INPP5D: variants seen among roughly 807,000 people sequenced by gnomAD.
The protein encoded by INPP5D is phosphatidylinositol 3,4,5-trisphosphate 5-phosphatase 1.
INPP5D carries 33 observed loss-of-function variants against 122.9 expected under a neutral mutation model. That is an observed-to-expected ratio of 0.27 (90% confidence interval 0.20 to 0.36). The LOEUF is 0.36. Among genes scored for constraint, INPP5D ranks in the 10% least tolerant of loss-of-function variants. The probability of loss-of-function intolerance (pLI) is 1.00; values close to 1 mark genes in which losing one functional copy is unlikely to be tolerated. For synonymous variants in INPP5D, 584 were observed against 576.2 expected (o/e 1.01, Z -0.19); for missense variants, 1,053 against 1,412.7 (o/e 0.75, Z 4.08).
At chr2:233,161,369 G>T (rs1420606714) in intron 10 of INPP5D, among the ~76,000 whole-genome samples, 1 of 152,186 alleles carries the variant, frequency 6.6e-6, no homozygotes, top group Non-Finnish European at 1.5e-5. Context: ...TGGGATTACA[G>T]GCATGAGCCA....
chr2:233,060,526 G>A lies in INPP5D; in HGVS notation c.48G>A (p.Glu16=). 1 of 1,613,824 alleles carries A rather than the reference G, an allele frequency of 6.2e-7. No individual in the cohort carries two copies. The highest frequency in any genetic ancestry group is 1.1e-5 in the South Asian group (1 of 91,074). ...NHGNITRSKA[E]ELLSRTGKDG... Reference sequence around the variant, plus strand: ...GCAACATCACCCGCTCCAAGGCGGAGGAGCTGCTTTCCAGGACAGGCAAGG... The same window carrying A: ...GCAACATCACCCGCTCCAAGGCGGAAGAGCTGCTTTCCAGGACAGGCAAGG... Residue 16 remains glutamate, a synonymous_variant, in exon 1 of 27, where the codon GAG becomes GAA. Coordinates refer to ENST00000445964, the MANE Select transcript of INPP5D (RefSeq NM_001017915.3).
Position 233,094,512 on chromosome 2 carries a change from C to CAAAAAAAAAAAAAAAAAAAAA in INPP5D, c.198+15124_198+15144dup, listed in dbSNP as rs58284775. 3.1e-4 allele frequency among the ~76,000 whole-genome samples: 11 copies of CAAAAAAAAAAAAAAAAAAAAA among 34,970 alleles called. 5 individuals are homozygous for CAAAAAAAAAAAAAAAAAAAAA. The highest frequency in any genetic ancestry group is 6.1e-4 in the African/African-American group (5 of 8,252). The allele number at this position is 34,970 out of a possible 152,430, so 22.9% of individuals were successfully genotyped here. A position where few individuals can be genotyped will look rare whatever the true frequency, so the allele number is the denominator to read the frequency against. On this transcript the variant is annotated intron_variant, in intron 2 of 26. Coordinates refer to ENST00000445964, the MANE Select transcript of INPP5D (RefSeq NM_001017915.3). ...TGGGCAATAGAGCAAGACTCCATCC[C>CAAAAAAAAAAAAAAAAAAAAA]AAAAAAAAAAAAAAAAAAAAAAAAA...
intron 1 of INPP5D, among the ~76,000 whole-genome samples, chr2:233,068,587 T>G (rs987821762): frequency 1.3e-5 from 2 of 150,500 alleles, no homozygotes; most frequent in African/African-American, 5.0e-5. Context: ...AGAGCTAGAA[T>G]CCGTCTAAAA....
chr2:233,163,031 C>T (rs1021465666), intron 11 of INPP5D, among the ~76,000 whole-genome samples: 4 of 152,174 alleles, frequency 2.6e-5, no homozygotes, highest in African/African-American at 7.2e-5. Flanking sequence ...CCACTTTGAG[C>T]CTCTTGGGGG....
At chr2:233,180,256 G>A (rs1251176498) in intron 18 of INPP5D, among the ~76,000 whole-genome samples, 1 of 152,044 alleles carries the variant, frequency 6.6e-6, no homozygotes, top group Non-Finnish European at 1.5e-5. Context: ...GGAGGACTGG[G>A]TCTTTGAGGG....
intron 2 of INPP5D, among the ~76,000 whole-genome samples, chr2:233,098,669 G>A (rs1226037069): frequency 6.6e-6 from 1 of 152,024 alleles, no homozygotes; most frequent in Non-Finnish European, 1.5e-5. Flanking sequence ...CATTCCGCAC[G>A]CCCCTCTTAA....
At chr2:233,175,560 T>G (rs893286963) in intron 17 of INPP5D, among the ~76,000 whole-genome samples, 7 of 152,200 alleles carry the variant, frequency 4.6e-5, no homozygotes, top group Non-Finnish European at 2.9e-5. Flanking sequence ...GTAAGTGGGT[T>G]TATACAAACC....
In INPP5D at chr2:233,108,912, G is replaced by A. The variant is rs201535931; in HGVS notation, c.199-13195G>A. Among the ~76,000 whole-genome samples the A allele has an allele frequency of 1.1e-4, 16 of 152,314 alleles. No homozygotes were observed. In the East Asian group the frequency reaches 2.7e-3, roughly 26 times the overall value. On this transcript the variant is annotated intron_variant, in intron 2 of 26. Coordinates refer to ENST00000445964, the MANE Select transcript of INPP5D (RefSeq NM_001017915.3). ...ATCCACAGTCTTGCAGCTTCTGCAT[G>A]GCAGAGAGGGGACAACCCCCTGCCC...
At chr2:233,182,660 A>G (rs1694813711) in intron 19 of INPP5D, among the ~76,000 whole-genome samples, 161 bp downstream of exon 19, 1 of 152,134 alleles carries the variant, frequency 6.6e-6, no homozygotes, top group Non-Finnish European at 1.5e-5. Flanking sequence ...GCCACAGCAC[A>G]ATTGCAGTCC....
intron 1 of INPP5D, among the ~76,000 whole-genome samples, chr2:233,073,376 A>C (rs1007688886): frequency 1.3e-5 from 2 of 152,156 alleles, no homozygotes; most frequent in Non-Finnish European, 2.9e-5. Flanking sequence ...ACAGTGGCTC[A>C]CGCCTGTAAT....
intron 8 of INPP5D, 25 bp from the exon 9 acceptor site, chr2:233,147,446 A>G: frequency 1.4e-6 from 1 of 703,152 alleles, no homozygotes; most frequent in Non-Finnish European, 2.6e-6. Context: ...AAAATCAATC[A>G]GTGACACATC....
chr2:233,158,487 C>A, intron 10 of INPP5D, 68 bp downstream of exon 10: 1 of 655,474 alleles, frequency 1.5e-6, no homozygotes, highest in Non-Finnish European at 2.8e-6. Context: ...TTGAGGCTCG[C>A]TGTGTGCCAG....
At chr2:233,205,029 GGAA>G (rs1695456664) in intron 26 of INPP5D, 2 of 347,824 alleles carry the variant, frequency 5.8e-6, no homozygotes, top group African/African-American at 4.2e-5. Flanking sequence ...CAGTCCCAGA[GGAA>G]GAAGATTCCA....
chr2:233,109,099 C>A (rs1248450478), intron 2 of INPP5D, among the ~76,000 whole-genome samples: 1 of 152,250 alleles, frequency 6.6e-6, no homozygotes, highest in Non-Finnish European at 1.5e-5. Flanking sequence ...AGCCAGAGTA[C>A]CTCCCTCTCC....
At position 233,122,111 on chromosome 2, in the gene INPP5D, C is replaced by A; in HGVS notation, c.203C>A (p.Ser68Tyr). The A allele has an allele frequency of 6.2e-7, 1 of 1,613,872 alleles. No homozygotes were observed. Among genetic ancestry groups the A allele is most frequent in the Non-Finnish European group, 8.5e-7 (1 of 1,179,828 alleles). Residue 68 changes from serine to tyrosine, a missense_variant, in exon 3 of 27, where the codon TCC becomes TAC. Coordinates refer to ENST00000445964, the MANE Select transcript of INPP5D (RefSeq NM_001017915.3). Reference protein sequence around the residue: ...NEDDKFTVQASEGVSMRFFTK... With the variant: ...NEDDKFTVQAYEGVSMRFFTK... Reference sequence around the variant, plus strand: ...GTTTGGATGTTCTGTCCTCAGGCATCCGAAGGCGTCTCCATGAGGTTCTTC... The same window carrying A: ...GTTTGGATGTTCTGTCCTCAGGCATACGAAGGCGTCTCCATGAGGTTCTTC...
intron 2 of INPP5D, among the ~76,000 whole-genome samples, chr2:233,113,153 T>C (rs1692677930): frequency 2.0e-5 from 3 of 152,132 alleles, no homozygotes; most frequent in African/African-American, 7.2e-5. Flanking sequence ...TACATGCTTA[T>C]TCCCCTGTGT....
At chr2:233,069,206 A>G (rs912650514) in intron 1 of INPP5D, among the ~76,000 whole-genome samples, 1 of 152,246 alleles carries the variant, frequency 6.6e-6, no homozygotes, top group African/African-American at 2.4e-5. Flanking sequence ...TTCAATACTT[A>G]CTGTAAACAA....
intron 26 of INPP5D, 73 bp downstream of exon 26, chr2:233,204,790 A>ATGCATATGTGTG (rs917174394): frequency 9.2e-7 from 1 of 1,085,852 alleles, no homozygotes; most frequent in Non-Finnish European, 1.2e-6. Flanking sequence ...GTGTGTACCT[A>ATGCATATGTGTG]TGCATATGTG....
Position 233,078,664 on chromosome 2 carries a change from CT to C in INPP5D, c.135-665del, listed in dbSNP as rs1369315485. ...CGTGTTTCTTCTTCAAACACCCCCT[CT>C]TTTTTGTTGTTTTTTTGTTTTGTTT... On this transcript the variant is annotated intron_variant, in intron 1 of 26. Transcript: ENST00000445964. The surrounding 1 kb of genome is among the most constrained non-coding windows in gnomAD (Gnocchi z 4.6). Among the ~76,000 whole-genome samples the C allele has an allele frequency of 2.0e-5, 3 of 151,530 alleles. No homozygotes were observed. The highest frequency in any genetic ancestry group is 4.4e-5 in the Non-Finnish European group (3 of 67,950).
Sources: gnomAD v4.1 joint callset for allele counts (sites outside exome capture counted in the v4.1 genomes callset) on GRCh38, gnomAD v4.1.1 for gene constraint, Gnocchi (gnomAD v3.1) non-coding constraint, MANE v1.5 for transcripts, NCBI Gene and HGNC (gene_info 2026-07-23, HGNC 2026-07-21) for gene names.